The following NCAM2 variants were observed in gnomAD, a reference collection of about 807,000 sequenced individuals.
NCAM2 encodes N-CAM-2.
A neutral mutation model predicts 98.1 loss-of-function variants in NCAM2; 30 were observed. The observed-to-expected ratio is 0.31, with a 90% CI of 0.23 to 0.41. The LOEUF is 0.41. Among genes scored for constraint, NCAM2 ranks in the 10% least tolerant of loss-of-function variants. The probability of loss-of-function intolerance (pLI) is 1.00; values close to 1 mark genes in which losing one functional copy is unlikely to be tolerated. For synonymous variants in NCAM2, 368 were observed against 342.4 expected, an observed-to-expected ratio of 1.07 and a Z score of -0.83; for missense variants, 867 against 1,005.8, an observed-to-expected ratio of 0.86 and a Z score of 1.87.
chr21:21,468,508 G>A (rs1263723550), intron 13 of NCAM2, among the ~76,000 whole-genome samples, 154 bp from the exon 14 acceptor site: 1 of 151,906 alleles, frequency 6.6e-6, no homozygotes. Context: ...TGGGGAAAAT[G>A]TTCAGAAATT....
chr21:21,264,816 G>A (rs1264921090), intron 1 of NCAM2, among the ~76,000 whole-genome samples: 1 of 130,392 alleles, frequency 7.7e-6, no homozygotes, highest in African/African-American at 2.8e-5. Context: ...ATACACACAC[G>A]TATATATATT....
intron 1 of NCAM2, among the ~76,000 whole-genome samples, chr21:21,242,823 C>G (rs2071118552): frequency 6.6e-6 from 1 of 152,048 alleles, no homozygotes; most frequent in African/African-American, 2.4e-5. Context: ...TTATCCATTT[C>G]TTTGTTATTT....
intron 1 of NCAM2, among the ~76,000 whole-genome samples, chr21:21,112,939 G>A (rs772128190): frequency 3.3e-5 from 5 of 152,150 alleles, no homozygotes; most frequent in Admixed American, 2.0e-4. Flanking sequence ...TCTCCTGCAC[G>A]TGATGCTGAA....
intron 1 of NCAM2, among the ~76,000 whole-genome samples, chr21:21,017,186 G>A (rs2146167655): frequency 8.5e-6 from 1 of 117,778 alleles, no homozygotes; most frequent in South Asian, 3.3e-4. Flanking sequence ...AGCACTTTGG[G>A]AAGCCGAGGT....
chr21:21,146,239 C>T (rs1240297150), intron 1 of NCAM2, among the ~76,000 whole-genome samples: 2 of 151,838 alleles, frequency 1.3e-5, no homozygotes, highest in African/African-American at 4.8e-5. Flanking sequence ...TAAGAAAATA[C>T]ACTATTTCCA....
intron 9 of NCAM2, among the ~76,000 whole-genome samples, chr21:21,384,303 G>GA (rs1555885111): frequency 6.6e-6 from 1 of 151,326 alleles, no homozygotes; most frequent in Non-Finnish European, 1.5e-5. Context: ...TCTATTGAAA[G>GA]TTTTTTTTCT....
intron 6 of NCAM2, among the ~76,000 whole-genome samples, chr21:21,332,327 G>A (rs1443610955): frequency 6.6e-6 from 1 of 152,096 alleles, no homozygotes; most frequent in African/African-American, 2.4e-5. Context: ...AGTTTTATTT[G>A]AGGGAGAGCT....
chr21:21,318,055 T>C (rs2147763270), intron 5 of NCAM2, among the ~76,000 whole-genome samples: 1 of 152,270 alleles, frequency 6.6e-6, no homozygotes, highest in South Asian at 2.1e-4. Flanking sequence ...TAGCTGACTT[T>C]CTCAAAAGAA....
intron 1 of NCAM2, among the ~76,000 whole-genome samples, chr21:21,265,300 T>C (rs1385312181): frequency 7.6e-6 from 1 of 131,628 alleles, no homozygotes; most frequent in Non-Finnish European, 1.6e-5. Context: ...TATATATACG[T>C]GTATACATAC....
At chr21:21,495,108 T>C (rs772785065) in intron 15 of NCAM2, among the ~76,000 whole-genome samples, 5 of 151,734 alleles carry the variant, frequency 3.3e-5, no homozygotes, top group Non-Finnish European at 7.4e-5. Flanking sequence ...TGTAGATATT[T>C]TAAAAAGCAG....
At chr21:21,020,334 G>C (rs2064406587) in intron 1 of NCAM2, among the ~76,000 whole-genome samples, 1 of 152,022 alleles carries the variant, frequency 6.6e-6, no homozygotes, top group African/African-American at 2.4e-5. Flanking sequence ...CTGCACCCGG[G>C]TGACCAACAT....
intron 9 of NCAM2, among the ~76,000 whole-genome samples, chr21:21,377,521 A>G (rs2076060321): frequency 6.6e-6 from 1 of 151,928 alleles, no homozygotes; most frequent in Non-Finnish European, 1.5e-5. Context: ...TATATATTTA[A>G]GGTGTACAAA....
intron 1 of NCAM2, among the ~76,000 whole-genome samples, chr21:21,013,478 CA>C (rs1342447123): frequency 1.3e-5 from 2 of 152,114 alleles, no homozygotes; most frequent in Non-Finnish European, 2.9e-5. Context: ...AAGTTGGAAG[CA>C]AGCATAAATT....
chr21:21,133,144 C>T (rs920352659), intron 1 of NCAM2, among the ~76,000 whole-genome samples: 1 of 152,194 alleles, frequency 6.6e-6, no homozygotes, highest in East Asian at 1.9e-4. Context: ...ATTTATTATG[C>T]AATCATTTTA....
intron 16 of NCAM2, among the ~76,000 whole-genome samples, chr21:21,509,486 G>A (rs967578372): frequency 2.0e-5 from 3 of 152,062 alleles, no homozygotes; most frequent in Admixed American, 2.0e-4. Flanking sequence ...TTCTACAAAC[G>A]TAAGGCATGA....
intron 1 of NCAM2, among the ~76,000 whole-genome samples, chr21:21,020,542 G>A (rs910353188): frequency 2.6e-5 from 4 of 152,148 alleles, no homozygotes; most frequent in African/African-American, 7.2e-5. Flanking sequence ...ATTTCACAGC[G>A]TGACCACAGC....
intron 9 of NCAM2, among the ~76,000 whole-genome samples, chr21:21,389,967 A>G (rs2145821999): frequency 6.6e-6 from 1 of 152,248 alleles, no homozygotes; most frequent in East Asian, 1.9e-4. Context: ...CTCCTGCCTC[A>G]GCCTCCCGAG....
At chr21:21,130,553 T>C (rs2066912690) in intron 1 of NCAM2, among the ~76,000 whole-genome samples, 1 of 152,152 alleles carries the variant, frequency 6.6e-6, no homozygotes, top group Non-Finnish European at 1.5e-5. Flanking sequence ...ATAATTACAC[T>C]AATTCCGATA....
chr21:21,040,918 G>T (rs902121581), intron 1 of NCAM2, among the ~76,000 whole-genome samples: 1 of 152,062 alleles, frequency 6.6e-6, no homozygotes, highest in South Asian at 2.1e-4. Flanking sequence ...CAAGAAGAGA[G>T]GATTTTGAAT....
Sources: allele counts gnomAD v4.1 joint callset (sites outside exome capture counted in the v4.1 genomes callset), GRCh38; gene constraint gnomAD v4.1.1; transcripts MANE v1.5; gene names NCBI Gene and HGNC (gene_info 2026-07-23, HGNC 2026-07-21).